TFAP2C: variants seen among roughly 807,000 people sequenced by gnomAD.
TFAP2C encodes the protein activating enhancer-binding protein 2 gamma.
TFAP2C carries 9 observed loss-of-function variants against 42.9 expected under a neutral mutation model. That is an observed-to-expected ratio of 0.21 (90% CI 0.13 to 0.37). The LOEUF (loss-of-function observed/expected upper bound fraction) is 0.37, where lower values mean the gene tolerates loss of function less well. Among genes scored for constraint, TFAP2C ranks in the 10% least tolerant of loss-of-function variants. The pLI is 1.00. For missense variants in TFAP2C, 462 were observed against 591.7 expected (o/e 0.78, Z 2.27); for synonymous variants, 264 against 256.0 (o/e 1.03, Z -0.30).
chr20:56,636,195 G>A (rs958022506), intron 5 of TFAP2C, among the ~76,000 whole-genome samples: 80 of 152,160 alleles, frequency 5.3e-4, no homozygotes, highest in African/African-American at 1.9e-3. Flanking sequence ...CCCTGTATAT[G>A]ATTTCGTTCT....
chr20:56,631,384 C>T lies in TFAP2C; in HGVS notation c.228C>T (p.Tyr76=), dbSNP rs1284371438. The T allele has an allele frequency of 3.1e-6, 5 of 1,611,308 alleles. No homozygotes were observed. Among genetic ancestry groups the T allele is most frequent in the Non-Finnish European group, 4.2e-6 (5 of 1,179,170 alleles). ...QLAYSQSADP[Y]SHLGEAYAAA... Reference sequence around the variant, plus strand: ...CCTACTCCCAGTCGGCCGACCCCTACTCGCATCTGGGGGAAGCGTACGCCG... The same window carrying T: ...CCTACTCCCAGTCGGCCGACCCCTATTCGCATCTGGGGGAAGCGTACGCCG... Residue 76 remains tyrosine, a synonymous_variant, in exon 2 of 7, where the codon TAC becomes TAT. Transcript: ENST00000201031. This position sits in a 1 kb window ranked among gnomAD's most constrained non-coding sequence, Gnocchi z 6.1.
In TFAP2C at chr20:56,629,926, C is replaced by T. The variant is rs911867842; in HGVS notation, c.48+334C>T. 6.6e-6 allele frequency among the ~76,000 whole-genome samples: 1 copy of T among 152,138 alleles called. No individual in the cohort carries two copies. The highest frequency in any genetic ancestry group is 1.5e-5 in the Non-Finnish European group (1 of 68,024). On this transcript the variant is annotated intron_variant, in intron 1 of 6. Transcript: ENST00000201031. The surrounding 1 kb of genome is among the most constrained non-coding windows in gnomAD (Gnocchi z 5.9). Reference sequence around the variant, plus strand: ...CTGCAACCCTCAGACGTGGCTTTTACGCACGAAGTCTCTGTCCAAAGGGGT... The same window carrying T: ...CTGCAACCCTCAGACGTGGCTTTTATGCACGAAGTCTCTGTCCAAAGGGGT...
At position 56,638,659 on chromosome 20, in the gene TFAP2C, C is replaced by CTTTTTTT. The variant is rs34794327; in HGVS notation, c.*661_*667dup. 8.0e-6 allele frequency: 1 copy of CTTTTTTT among 124,572 alleles called. No individual in the cohort carries two copies. Among genetic ancestry groups the CTTTTTTT allele is most frequent in the Non-Finnish European group, 1.7e-5 (1 of 58,642 alleles). 7.7% of individuals were successfully genotyped at this position (124,572 alleles called of 1,614,324 possible). The stretch of plus-strand genomic sequence containing the variant: ...AAGCCTGCTGATTGATTTTTTTCTC[C>CTTTTTTT]TTTTTTTTTTTTTTTTTTTTTAACT... On this transcript the variant is annotated 3_prime_UTR_variant, in exon 7 of 7. Coordinates refer to ENST00000201031, the MANE Select transcript of TFAP2C (RefSeq NM_003222.4).
chr20:56,637,881 C>T lies in TFAP2C; in HGVS notation c.1221C>T (p.Ala407=), dbSNP rs764891958. 7.5e-5 allele frequency: 120 copies of T among 1,601,320 alleles called. No individual in the cohort carries two copies. The highest frequency in any genetic ancestry group is 6.4e-4 in the South Asian group (58 of 90,790). ...GGTTTGGCAGCCAGGCCATCTGTGC[C>T]GCGGTGTCTGCCCTGCAGAACTACA... ...THGFGSQAIC[A]AVSALQNYIK... is the part of the protein sequence containing the mutation. Residue 407 remains alanine, a synonymous_variant, in exon 7 of 7, where the codon GCC becomes GCT. Transcript: ENST00000201031.
rs761761638 is a variant in TFAP2C, at chr20:56,636,656, C to T, written c.969C>T (p.Ala323=). Residue 323 remains alanine, a synonymous_variant, in exon 6 of 7, where the codon GCC becomes GCT. Coordinates refer to ENST00000201031, the MANE Select transcript of TFAP2C (RefSeq NM_003222.4). ...GGGACTTTGCCTATGTCTGTGAAGCCGAATTTCCTAGTAAACCAGTGGCAG... is the reference window on the plus strand; with the variant it reads ...GGGACTTTGCCTATGTCTGTGAAGCTGAATTTCCTAGTAAACCAGTGGCAG... ...LARDFAYVCE[A]EFPSKPVAEY... The T allele has an allele frequency of 9.9e-6, 16 of 1,613,926 alleles. No individual in the cohort carries two copies. The highest frequency in any genetic ancestry group is 3.3e-5 in the South Asian group (3 of 91,062).
At position 56,638,639 on chromosome 20, in the gene TFAP2C, T is replaced by G. The variant is rs1294282466; in HGVS notation, c.*626T>G. The G allele has an allele frequency of 6.6e-6, 1 of 151,388 alleles. No homozygotes were observed. The highest frequency in any genetic ancestry group is 1.5e-5 in the Non-Finnish European group (1 of 67,846). 9.4% of individuals were successfully genotyped at this position (151,388 alleles called of 1,614,324 possible). On this transcript the variant is annotated 3_prime_UTR_variant, in exon 7 of 7. Transcript: ENST00000201031. ...TTAGGAAACTTGTAGAAACGAAGCCTGCTGATTGATTTTTTTCTCCTTTTT... is the reference window on the plus strand; with the variant it reads ...TTAGGAAACTTGTAGAAACGAAGCCGGCTGATTGATTTTTTTCTCCTTTTT...
At chr20:56,635,501 C>T (rs1032975801) in intron 5 of TFAP2C, among the ~76,000 whole-genome samples, 3 of 152,044 alleles carry the variant, frequency 2.0e-5, no homozygotes, top group African/African-American at 7.3e-5. Context: ...AACATCCCTC[C>T]CATCTTTTTT....
At position 56,630,839 on chromosome 20, in the gene TFAP2C, GC is replaced by G. The variant is rs1454998129; in HGVS notation, c.49-362del. The G allele has an allele frequency of 3.0e-6, 3 of 983,994 alleles. No homozygotes were observed. Among genetic ancestry groups the G allele is most frequent in the East Asian group, 2.3e-4 (2 of 8,766 alleles). 61.0% of individuals were successfully genotyped at this position (983,994 alleles called of 1,614,324 possible). A position where few individuals can be genotyped will look rare whatever the true frequency, so the allele number is the denominator to read the frequency against. ...TCTGCACCGGGCGTCCGGCTCCTTCGCCCCGGGCTCTGGCTCCTTCGCCCCG... is the reference window on the plus strand; with the variant it reads ...TCTGCACCGGGCGTCCGGCTCCTTCGCCCGGGCTCTGGCTCCTTCGCCCCG... On this transcript the variant is annotated intron_variant, in intron 1 of 6. Coordinates refer to ENST00000201031, the MANE Select transcript of TFAP2C (RefSeq NM_003222.4). The surrounding 1 kb of genome is among the most constrained non-coding windows in gnomAD (Gnocchi z 5.1).
rs367695138 is a variant in TFAP2C, at chr20:56,639,022, T to C, written c.*1009T>C. On this transcript the variant is annotated 3_prime_UTR_variant, in exon 7 of 7. Transcript: ENST00000201031. The stretch of plus-strand genomic sequence containing the variant: ...ATAACACATCATAAGGTTTTATTCA[T>C]ATATATACAGGGTATTAAGAATTAA... The C allele has an allele frequency of 5.9e-5, 9 of 152,754 alleles. No individual in the cohort carries two copies. The highest frequency in any genetic ancestry group is 1.3e-4 in the Admixed American group (2 of 15,300). 9.5% of individuals were successfully genotyped at this position (152,754 alleles called of 1,614,324 possible). A position where few individuals can be genotyped will look rare whatever the true frequency, so the allele number is the denominator to read the frequency against.
Position 56,631,990 on chromosome 20 carries a change from G to A in TFAP2C, c.586+134G>A, listed in dbSNP as rs1175269117. ...AAGGGACTGAAAGGGATTCATGGAA[G>A]CTAGATTTTAGGAGTGACAGAAAGG... On this transcript the variant is annotated intron_variant, in intron 3 of 6. Coordinates refer to ENST00000201031, the MANE Select transcript of TFAP2C (RefSeq NM_003222.4). The surrounding 1 kb of genome is among the most constrained non-coding windows in gnomAD (Gnocchi z 6.1). 11 of 1,025,958 alleles carry A rather than the reference G, an allele frequency of 1.1e-5. No individual in the cohort carries two copies. The highest frequency in any genetic ancestry group is 1.6e-5 in the Non-Finnish European group (11 of 668,022). 63.6% of individuals were successfully genotyped at this position (1,025,958 alleles called of 1,614,324 possible).
At position 56,630,296 on chromosome 20, in the gene TFAP2C, T is replaced by C. The variant is rs2146445462; in HGVS notation, c.48+704T>C. On this transcript the variant is annotated intron_variant, in intron 1 of 6. Coordinates refer to ENST00000201031, the MANE Select transcript of TFAP2C (RefSeq NM_003222.4). The surrounding 1 kb of genome is among the most constrained non-coding windows in gnomAD (Gnocchi z 5.1). ...CGGACTCGCGGGAGTTCACTGCGCC[T>C]CCGGGCCCTGGAGGGCTGCCCCTGC... is the stretch of plus-strand genomic sequence containing the variant. 2.7e-6 allele frequency: 1 copy of C among 366,006 alleles called. No homozygotes were observed. Among genetic ancestry groups the C allele is most frequent in the Admixed American group, 3.5e-5 (1 of 28,220 alleles). 22.7% of individuals were successfully genotyped at this position (366,006 alleles called of 1,614,324 possible).
rs189476265 is a variant in TFAP2C, at chr20:56,631,829, C to T, written c.559C>T (p.Leu187=). Residue 187 remains leucine, a synonymous_variant, in exon 3 of 7, where the codon CTG becomes TTG. Transcript: ENST00000201031. This position sits in a 1 kb window ranked among gnomAD's most constrained non-coding sequence, Gnocchi z 6.1. ...GAATGTCGACGACCAGCACCTGTTG[C>T]TGCACGATCAGACAGTCATTCGCAA... The part of the protein sequence containing the change: ...VQNVDDQHLL[L]HDQTVIRKGP... 1.4e-5 allele frequency: 23 copies of T among 1,614,210 alleles called. No homozygotes were observed. In the Admixed American group the frequency reaches 3.7e-4, roughly 26 times the overall value.
Position 56,634,193 on chromosome 20 carries a change from G to A in TFAP2C, c.847G>A (p.Asp283Asn). The change falls in exon 5 of 7, where the codon GAC (aspartate) becomes AAC (asparagine). Residue 283 changes from aspartate to asparagine, a missense_variant. Around this residue, in one of 5 missense-constraint regions of TFAP2C, gnomAD observed 40 missense variants for 106.8 expected, o/e 0.37. Coordinates refer to ENST00000201031, the MANE Select transcript of TFAP2C (RefSeq NM_003222.4). Reference protein sequence around the residue: ...NGGRSLREKLDKIGLNLPAGR... With the variant: ...NGGRSLREKLNKIGLNLPAGR... ...AGGCCGGTCCTTGCGGGAGAAGTTGGACAAGATTGGGTTGAATCTTCCGGC... is the reference window on the plus strand; with the variant it reads ...AGGCCGGTCCTTGCGGGAGAAGTTGAACAAGATTGGGTTGAATCTTCCGGC... 1 of 1,614,208 alleles carries A rather than the reference G, an allele frequency of 6.2e-7. No individual in the cohort carries two copies. Among genetic ancestry groups the A allele is most frequent in the Non-Finnish European group, 8.5e-7 (1 of 1,180,038 alleles).
At position 56,631,661 on chromosome 20, in the gene TFAP2C, G is replaced by A. The variant is rs200592188; in HGVS notation, c.505G>A (p.Asp169Asn). The A allele has an allele frequency of 2.5e-6, 4 of 1,587,192 alleles. No homozygotes were observed. The Admixed American group carries it at 6.9e-5, about 27-fold the overall frequency. The change falls in exon 2 of 7, where the codon GAC becomes AAC. Residue 169 changes from aspartate to asparagine, a missense_variant. Physicochemically the swap from Asp to Asn is conservative, Grantham distance 23. Coordinates refer to ENST00000201031, the MANE Select transcript of TFAP2C (RefSeq NM_003222.4). This position sits in a 1 kb window ranked among gnomAD's most constrained non-coding sequence, Gnocchi z 6.1. ...AGLAENLGLH[D>N]MPHQMDEVQN... Reference sequence around the variant, plus strand: ...CCTGGCCGAGAACCTGGGGCTCCACGACATGCCTCACCAGATGGACGAGGT... The same window carrying A: ...CCTGGCCGAGAACCTGGGGCTCCACAACATGCCTCACCAGATGGACGAGGT...
In TFAP2C at chr20:56,630,767, G is replaced by T; in HGVS notation, c.49-438G>T. 1.0e-6 allele frequency: 1 copy of T among 985,360 alleles called. No homozygotes were observed. The highest frequency in any genetic ancestry group is 1.2e-6 in the Non-Finnish European group (1 of 829,902). The allele number at this position is 985,360 out of a possible 1,614,324, so 61.0% of individuals were successfully genotyped here. On this transcript the variant is annotated intron_variant, in intron 1 of 6. Transcript: ENST00000201031. The surrounding 1 kb of genome is among the most constrained non-coding windows in gnomAD (Gnocchi z 5.1). ...GCACTCTATCCGCGCCTGCCGCGCT[G>T]CCACCTCCAGCAGTCCCTGCGTCAT...
In TFAP2C at chr20:56,638,187, T is replaced by C. The variant is rs1180377396; in HGVS notation, c.*174T>C. On this transcript the variant is annotated 3_prime_UTR_variant, in exon 7 of 7. Coordinates refer to ENST00000201031, the MANE Select transcript of TFAP2C (RefSeq NM_003222.4). Reference sequence around the variant, plus strand: ...ACCCGCCCCTGGACTTCTTAGTTGTTTCTCTAGCGCTGAGCTATCTCCTAA... The same window carrying C: ...ACCCGCCCCTGGACTTCTTAGTTGTCTCTCTAGCGCTGAGCTATCTCCTAA... 1.6e-6 allele frequency: 1 copy of C among 620,516 alleles called. No homozygotes were observed. Among genetic ancestry groups the C allele is most frequent in the Admixed American group, 3.0e-5 (1 of 33,766 alleles). 38.4% of individuals were successfully genotyped at this position (620,516 alleles called of 1,614,324 possible). A position where few individuals can be genotyped will look rare whatever the true frequency, so the allele number is the denominator to read the frequency against.
rs184639585 is a variant in TFAP2C, at chr20:56,631,310, G to T, written c.154G>T (p.Ala52Ser). The change falls in exon 2 of 7, where the codon GCC becomes TCC. Residue 52 changes from alanine to serine, a missense_variant. Transcript: ENST00000201031. The surrounding 1 kb of genome is among the most constrained non-coding windows in gnomAD (Gnocchi z 6.1). ...GCCACCCCTCTCCCACACTGGAGTCGCCGAATATCAGCCGCCACCCTACTT... is the reference window on the plus strand; with the variant it reads ...GCCACCCCTCTCCCACACTGGAGTCTCCGAATATCAGCCGCCACCCTACTT... ...PAPPLSHTGV[A>S]EYQPPPYFPP... The T allele has an allele frequency of 6.2e-7, 1 of 1,607,378 alleles. No individual in the cohort carries two copies. The highest frequency in any genetic ancestry group is 8.5e-7 in the Non-Finnish European group (1 of 1,177,698).
At chr20:56,637,211 A>G (rs1020730255) in intron 6 of TFAP2C, among the ~76,000 whole-genome samples, 1 of 152,230 alleles carries the variant, frequency 6.6e-6, no homozygotes, top group Non-Finnish European at 1.5e-5. Flanking sequence ...GTTTTCTCAT[A>G]GAAACCAACA....
At chr20:56,632,719 TG>T (rs1055940537) in intron 3 of TFAP2C, among the ~76,000 whole-genome samples, 8 of 116,750 alleles carry the variant, frequency 6.9e-5, no homozygotes, top group Non-Finnish European at 1.0e-4. Flanking sequence ...CCTATGATTT[TG>T]GTTGTTCTTG....
Sources: gnomAD v4.1 joint callset for allele counts (sites outside exome capture counted in the v4.1 genomes callset) on GRCh38, gnomAD v4.1.1 for gene constraint, gnomAD v4.1.1 regional missense constraint, Gnocchi (gnomAD v3.1) non-coding constraint, MANE v1.5 for transcripts, NCBI Gene and HGNC (gene_info 2026-07-23, HGNC 2026-07-21) for gene names.